Variants in KCNN3 observed in about 807,000 individuals in gnomAD.
KCNN3 encodes the protein small conductance calcium-activated potassium channel protein 3.
Under a neutral mutation model 62.9 loss-of-function variants are expected in KCNN3, and 16 were observed. The ratio of observed to expected loss-of-function variants is 0.25; its 90% CI spans 0.17 to 0.39. The LOEUF (loss-of-function observed/expected upper bound fraction) is 0.39, where lower values mean the gene tolerates loss of function less well. Among genes scored for constraint, KCNN3 ranks in the 10% least tolerant of loss-of-function variants. The pLI is 1.00. For missense variants in KCNN3, 599 were observed against 949.4 expected, an observed-to-expected ratio of 0.63 and a Z score of 4.85; for synonymous variants, 370 against 389.2, an observed-to-expected ratio of 0.95 and a Z score of 0.58.
At chr1:154,740,197 A>T (rs1382900596) in intron 3 of KCNN3, among the ~76,000 whole-genome samples, 1 of 152,168 alleles carries the variant, frequency 6.6e-6, no homozygotes, top group Admixed American at 6.5e-5. Flanking sequence ...TTATTTATTC[A>T]TTCACCTGTT....
At chr1:154,760,919 A>G (rs1029699657) in intron 3 of KCNN3, among the ~76,000 whole-genome samples, 1 of 152,112 alleles carries the variant, frequency 6.6e-6, no homozygotes, top group African/African-American at 2.4e-5. Flanking sequence ...CCACTGGCCG[A>G]CGGGTCGGAA....
intron 1 of KCNN3, among the ~76,000 whole-genome samples, chr1:154,826,331 G>A (rs1651130507): frequency 6.6e-6 from 1 of 152,124 alleles, no homozygotes; most frequent in Admixed American, 6.5e-5. Flanking sequence ...ACAGATCTGT[G>A]ATTTCTCATT....
At chr1:154,724,776 C>T (rs1571213586) in intron 5 of KCNN3, among the ~76,000 whole-genome samples, 1 of 152,162 alleles carries the variant, frequency 6.6e-6, no homozygotes, top group East Asian at 1.9e-4. Context: ...AAACATTACC[C>T]GGAAAACCCA....
At chr1:154,753,852 G>A (rs1647505441) in intron 3 of KCNN3, among the ~76,000 whole-genome samples, 1 of 152,196 alleles carries the variant, frequency 6.6e-6, no homozygotes, top group African/African-American at 2.4e-5. Flanking sequence ...AAGAGGCCCA[G>A]GAAAGGAAAG....
At chr1:154,855,592 T>A (rs549565433) in intron 1 of KCNN3, among the ~76,000 whole-genome samples, 47 of 152,352 alleles carry the variant, frequency 3.1e-4, no homozygotes, top group Non-Finnish European at 6.5e-4. Context: ...TACAGCCTCG[T>A]GTGCAGAAGG....
intron 1 of KCNN3, among the ~76,000 whole-genome samples, chr1:154,836,267 C>T (rs1651579324): frequency 2.0e-5 from 3 of 152,180 alleles, no homozygotes; most frequent in Non-Finnish European, 1.5e-5. Context: ...CCACAGTACC[C>T]CTGGGTCCCT....
chr1:154,715,651 T>G (rs1185840995), intron 5 of KCNN3, among the ~76,000 whole-genome samples: 1 of 151,902 alleles, frequency 6.6e-6, no homozygotes, highest in Non-Finnish European at 1.5e-5. Flanking sequence ...TTCAATACTA[T>G]CTCTTGACTG....
chr1:154,856,720 A>T (rs1652548906), intron 1 of KCNN3, among the ~76,000 whole-genome samples: 1 of 152,146 alleles, frequency 6.6e-6, no homozygotes, highest in Admixed American at 6.5e-5. Flanking sequence ...ACCCCCATGG[A>T]AACTGTGAAT....
chr1:154,715,442 AAAAAAAAAGG>A (rs1222784375), intron 5 of KCNN3, among the ~76,000 whole-genome samples: 2 of 151,482 alleles, frequency 1.3e-5, no homozygotes, highest in East Asian at 3.9e-4. Flanking sequence ...TCAAAAAAAA[AAAAAAAAAGG>A]AAAAAAAAAG....
chr1:154,842,269 G>A (rs945421380), intron 1 of KCNN3, among the ~76,000 whole-genome samples: 1 of 152,178 alleles, frequency 6.6e-6, no homozygotes, highest in Non-Finnish European at 1.5e-5. Context: ...AGGTGCGGGT[G>A]TGGGAGCAGC....
chr1:154,832,382 T>C (rs754612357), intron 1 of KCNN3, among the ~76,000 whole-genome samples: 22 of 152,112 alleles, frequency 1.4e-4, no homozygotes, highest in Non-Finnish European at 2.4e-4. Flanking sequence ...AGGAGAACTG[T>C]ATAGCATACT....
intron 3 of KCNN3, among the ~76,000 whole-genome samples, chr1:154,768,301 T>C (rs1648387955): frequency 1.3e-5 from 2 of 152,244 alleles, no homozygotes; most frequent in African/African-American, 4.8e-5. Flanking sequence ...TACTTATTAT[T>C]TGACATTGGG....
chr1:154,821,225 C>T (rs897509999), intron 2 of KCNN3, among the ~76,000 whole-genome samples: 3 of 152,200 alleles, frequency 2.0e-5, no homozygotes, highest in Non-Finnish European at 2.9e-5. Context: ...GTCAATCTCT[C>T]GCCTGCTGCC....
At chr1:154,805,172 G>A (rs745586710) in intron 2 of KCNN3, among the ~76,000 whole-genome samples, 5 of 152,146 alleles carry the variant, frequency 3.3e-5, no homozygotes, top group Non-Finnish European at 7.3e-5. Flanking sequence ...GGGGACCTGG[G>A]CGTTCAGGGA....
At chr1:154,765,744 C>T (rs1273787663) in intron 3 of KCNN3, among the ~76,000 whole-genome samples, 1 of 151,642 alleles carries the variant, frequency 6.6e-6, no homozygotes, top group Non-Finnish European at 1.5e-5. Flanking sequence ...CCCCCCACCT[C>T]AGCCTCCTGA....
chr1:154,767,886 T>TG (rs1648370444), intron 3 of KCNN3, among the ~76,000 whole-genome samples: 1 of 152,176 alleles, frequency 6.6e-6, no homozygotes, highest in Non-Finnish European at 1.5e-5. Flanking sequence ...GGAGGAAATA[T>TG]GAAAAACCTT....
chr1:154,733,899 A>C (rs1222285719), intron 3 of KCNN3, among the ~76,000 whole-genome samples: 4 of 152,148 alleles, frequency 2.6e-5, no homozygotes, highest in Non-Finnish European at 5.9e-5. Context: ...GATGAATACC[A>C]CACAGCCCCT....
chr1:154,746,277 C>T (rs1021678520), intron 3 of KCNN3, among the ~76,000 whole-genome samples: 14 of 152,106 alleles, frequency 9.2e-5, no homozygotes, highest in East Asian at 3.9e-4. Context: ...AGTTGGGGCA[C>T]GGGGCCACTG....
chr1:154,870,213 ACT>A lies in KCNN3; in HGVS notation c.-251_-250del. 4 of 673,828 alleles carry A rather than the reference ACT, an allele frequency of 5.9e-6. No individual in the cohort carries two copies. The South Asian group carries it at 6.0e-5, about 10-fold the overall frequency. The allele number at this position is 673,828 out of a possible 1,614,324, so 41.7% of individuals were successfully genotyped here. A position where few individuals can be genotyped will look rare whatever the true frequency, so the allele number is the denominator to read the frequency against. ...TGGAGAAAGAAGAGGGGGTGAAAGA[ACT>A]CTCTCAGGAGGTGGTCCTCTAGGAG... is the stretch of plus-strand genomic sequence containing the variant. On this transcript the variant is annotated 5_prime_UTR_variant, in exon 1 of 8. Transcript: ENST00000271915.
Sources: allele counts gnomAD v4.1 joint callset (sites outside exome capture counted in the v4.1 genomes callset), GRCh38; gene constraint gnomAD v4.1.1; transcripts MANE v1.5; gene names NCBI Gene and HGNC (gene_info 2026-07-23, HGNC 2026-07-21).